Variants in NRDC observed in about 807,000 individuals in gnomAD.
The protein encoded by NRDC is nardilysin convertase, also known as nardilysin.
A neutral mutation model predicts 147.1 loss-of-function variants in NRDC; 54 were observed. The observed-to-expected ratio is 0.37, with a 90% CI of 0.29 to 0.46. The LOEUF is 0.46. Among genes scored for constraint, NRDC ranks in the 20% least tolerant of loss-of-function variants. The pLI, the probability that NRDC is intolerant of heterozygous loss-of-function variation, is 1.00. For synonymous variants in NRDC, 440 were observed against 482.1 expected (o/e 0.91, Z 1.14); for missense variants, 1,082 against 1,370.6 (o/e 0.79, Z 3.33).
chr1:51,811,957 C>A (rs1221950812), intron 15 of NRDC, 37 bp downstream of exon 15: 4 of 1,344,226 alleles, frequency 3.0e-6, no homozygotes, highest in Non-Finnish European at 4.3e-6. Context: ...CCTCCTCTTC[C>A]CCTAAAAGTA....
Position 51,814,031 on chromosome 1 carries a change from G to A in NRDC, c.1674+4C>T. 1.9e-6 allele frequency: 3 copies of A among 1,588,042 alleles called. No individual in the cohort carries two copies. The highest frequency in any genetic ancestry group is 2.6e-6 in the Non-Finnish European group (3 of 1,158,412). On this transcript the variant is annotated splice_donor_region_variant and intron_variant, in intron 14 of 30. Transcript: ENST00000352171. Reference sequence around the variant, plus strand: ...ACATGCAAAAAGAATTTGACTTCCAGTACCTGTTCTTGGTAATGAAATTCA... The same window carrying A: ...ACATGCAAAAAGAATTTGACTTCCAATACCTGTTCTTGGTAATGAAATTCA...
In NRDC at chr1:51,878,318, C is replaced by A. The variant is rs1259157339; in HGVS notation, c.298G>T (p.Asp100Tyr). ...CTGGGAGACTTGACGATCTCAGGGTCCCCAGCATTACTGAGAGACCCCCTC... is the reference window on the plus strand; with the variant it reads ...CTGGGAGACTTGACGATCTCAGGGTACCCAGCATTACTGAGAGACCCCCTC... ...GRRGSLSNAG[D>Y]PEIVKSPSDP... Residue 100 changes from aspartate (D) to tyrosine (Y), a missense_variant, in exon 1 of 31, where the codon GAC becomes TAC. Physicochemically the swap from Asp to Tyr is radical, Grantham distance 160 (BLOSUM62 -3). Transcript: ENST00000352171. 1.9e-6 allele frequency: 3 copies of A among 1,613,958 alleles called. No individual in the cohort carries two copies. The Admixed American group carries it at 5.0e-5, about 27-fold the overall frequency.
At chr1:51,868,587 T>C (rs759465801) in intron 1 of NRDC, among the ~76,000 whole-genome samples, 1 of 152,212 alleles carries the variant, frequency 6.6e-6, no homozygotes, top group African/African-American at 2.4e-5. Context: ...GTAACAGTAC[T>C]GTCTGGCTGG....
chr1:51,858,781 C>T (rs1682386743), intron 1 of NRDC, among the ~76,000 whole-genome samples: 1 of 152,188 alleles, frequency 6.6e-6, no homozygotes, highest in Non-Finnish European at 1.5e-5. Flanking sequence ...ACCTACCCAA[C>T]TAAAATATAC....
intron 28 of NRDC, 100 bp downstream of exon 28, chr1:51,790,800 G>C: frequency 9.8e-7 from 1 of 1,023,356 alleles, no homozygotes; most frequent in East Asian, 2.4e-5. Context: ...GAGGAAGGTG[G>C]GGCTGCAAAG....
At chr1:51,818,741 G>C (rs560825024) in intron 9 of NRDC, among the ~76,000 whole-genome samples, 3 of 152,136 alleles carry the variant, frequency 2.0e-5, no homozygotes, top group African/African-American at 7.2e-5. Context: ...GACTGGTAAC[G>C]GGGTGAAGAA....
chr1:51,827,976 C>T, intron 4 of NRDC, 107 bp from the exon 5 acceptor site: 2 of 811,748 alleles, frequency 2.5e-6, no homozygotes, highest in Non-Finnish European at 4.1e-6. Flanking sequence ...ATTCACAATC[C>T]TAAGTATATA....
At chr1:51,803,654 T>C (rs1557901576) in intron 20 of NRDC, among the ~76,000 whole-genome samples, 160 bp downstream of exon 20, 2 of 152,214 alleles carry the variant, frequency 1.3e-5, no homozygotes, top group African/African-American at 2.4e-5. Flanking sequence ...TTCTTATGGA[T>C]AGTCAGTCAC....
At chr1:51,840,168 G>C in intron 2 of NRDC, 58 bp downstream of exon 2, 2 of 1,378,608 alleles carry the variant, frequency 1.5e-6, no homozygotes, top group South Asian at 1.4e-5. Flanking sequence ...AATAAAGCTT[G>C]AGTTTAGAAG....
intron 26 of NRDC, 33 bp from the exon 27 acceptor site, chr1:51,791,694 A>C: frequency 1.9e-5 from 30 of 1,541,166 alleles, no homozygotes; most frequent in Middle Eastern, 1.7e-4. Context: ...ATATGAGCTC[A>C]GGTGATCATC....
intron 28 of NRDC, 97 bp from the exon 29 acceptor site, chr1:51,790,746 C>G: frequency 2.0e-6 from 2 of 1,008,230 alleles, no homozygotes; most frequent in Non-Finnish European, 1.6e-6. Context: ...GATGGACATG[C>G]CAGTATAAGA....
chr1:51,794,767 C>T (rs1678816827), intron 23 of NRDC, 56 bp downstream of exon 23: 1 of 1,603,786 alleles, frequency 6.2e-7, no homozygotes, highest in African/African-American at 1.3e-5. Context: ...ATTGTGGCTC[C>T]ATGCCCTCTC....
chr1:51,823,307 G>A (rs1042075711), intron 7 of NRDC, among the ~76,000 whole-genome samples: 2 of 152,206 alleles, frequency 1.3e-5, no homozygotes, highest in African/African-American at 4.8e-5. Context: ...GTAAGAGTTT[G>A]TAATCGATAT....
chr1:51,810,530 A>G (rs1340093318), intron 15 of NRDC, 126 bp from the exon 16 acceptor site: 1 of 748,268 alleles, frequency 1.3e-6, no homozygotes, highest in Non-Finnish European at 2.1e-6. Context: ...CCTACAGTTC[A>G]TGAACACCCT....
In NRDC at chr1:51,827,840, A is replaced by G. The variant is rs201997800; in HGVS notation, c.896T>C (p.Met299Thr). ...TTCACGGTCAATTGCATCTCTGATC[A>G]TTAGTGGGTGGATGAAGAACTGCGC... ...RWAQFFIHPL[M>T]IRDAIDREVE... The change falls in exon 5 of 31, where the codon ATG (methionine) becomes ACG (threonine). Residue 299 changes from methionine (M) to threonine (T), a missense_variant. Physicochemically the swap from Met to Thr is moderately conservative, Grantham distance 81. Around this residue, in one of 3 missense-constraint regions of NRDC, gnomAD observed 635 missense variants for 923.8 expected, o/e 0.69. Transcript: ENST00000352171. 17 of 1,613,878 alleles carry G rather than the reference A, an allele frequency of 1.1e-5. No homozygotes were observed. The highest frequency in any genetic ancestry group is 1.4e-5 in the Non-Finnish European group (17 of 1,179,912).
chr1:51,861,815 C>T (rs930059039), intron 1 of NRDC, among the ~76,000 whole-genome samples: 2 of 152,134 alleles, frequency 1.3e-5, no homozygotes, highest in Non-Finnish European at 2.9e-5. Flanking sequence ...GGTCATAAAC[C>T]ATTTTCGCAT....
intron 1 of NRDC, among the ~76,000 whole-genome samples, chr1:51,869,256 T>TA (rs1366331374): frequency 1.3e-5 from 2 of 152,300 alleles, no homozygotes; most frequent in African/African-American, 4.8e-5. Flanking sequence ...CAGGAATTCT[T>TA]AAATTTTCTT....
intron 1 of NRDC, among the ~76,000 whole-genome samples, chr1:51,873,677 A>AT (rs1683192598): frequency 6.6e-6 from 1 of 151,238 alleles, no homozygotes; most frequent in Admixed American, 6.6e-5. Flanking sequence ...CAACTGGCTA[A>AT]TTTTTTTATT....
chr1:51,805,209 C>T (rs1679407988), intron 19 of NRDC, among the ~76,000 whole-genome samples: 1 of 152,212 alleles, frequency 6.6e-6, no homozygotes, highest in Non-Finnish European at 1.5e-5. Context: ...TCATTATAGA[C>T]TGGGCACTCA....
Sources: gnomAD v4.1 joint callset for allele counts (sites outside exome capture counted in the v4.1 genomes callset) on GRCh38, gnomAD v4.1.1 for gene constraint, gnomAD v4.1.1 regional missense constraint, MANE v1.5 for transcripts, NCBI Gene and HGNC (gene_info 2026-07-23, HGNC 2026-07-21) for gene names.